The following AGO2 variants were observed in gnomAD, a reference collection of about 807,000 sequenced individuals.
The protein encoded by AGO2 is protein argonaute-2.
A neutral mutation model predicts 102.3 loss-of-function variants in AGO2; 5 were observed. That is an observed-to-expected ratio of 0.05 (90% CI 0.03 to 0.10). AGO2 has a LOEUF of 0.10. Ranked by LOEUF, AGO2 falls within the 10% of genes least tolerant of loss-of-function variation. AGO2 has a pLI of 1.00. For missense variants in AGO2, 541 were observed against 1,183.7 expected, an observed-to-expected ratio of 0.46 and a Z score of 7.97; for synonymous variants, 449 against 473.1, an observed-to-expected ratio of 0.95 and a Z score of 0.66.
At chr8:140,627,415 G>A (rs1186950687) in intron 1 of AGO2, among the ~76,000 whole-genome samples, 1 of 152,196 alleles carries the variant, frequency 6.6e-6, no homozygotes, top group Non-Finnish European at 1.5e-5. Context: ...ATGTGCAGCT[G>A]CAAGATGAAA....
In AGO2 at chr8:140,547,645, C is replaced by G; in HGVS notation, c.1589-18G>C. ...GACCTCGGCTAAGGGACATGAGAGG[C>G]ACACACAGCTCTGCCGGCGCCCCTT... On this transcript the variant is annotated intron_variant, in intron 12 of 18. Transcript: ENST00000220592. 5 of 1,602,460 alleles carry G rather than the reference C, an allele frequency of 3.1e-6. No individual in the cohort carries two copies. Among genetic ancestry groups the G allele is most frequent in the Non-Finnish European group, 4.3e-6 (5 of 1,173,158 alleles).
Position 140,630,329 on chromosome 8 carries a change from G to A in AGO2, c.22+5156C>T, listed in dbSNP as rs535212678. On this transcript the variant is annotated intron_variant, in intron 1 of 18. Coordinates refer to ENST00000220592, the MANE Select transcript of AGO2 (RefSeq NM_012154.5). ...AAGCTTACAGGTGCCCACTGCCCTG[G>A]AGGAAGCTCCCAGCACAAATGCTAA... Among the ~76,000 whole-genome samples, 21 of 152,310 alleles carry A rather than the reference G, an allele frequency of 1.4e-4. 1 individual carries two copies. Among genetic ancestry groups the A allele is most frequent in the African/African-American group, 4.8e-4 (20 of 41,562 alleles).
Position 140,532,405 on chromosome 8 carries a change from A to G in AGO2, c.2471+11T>C. On this transcript the variant is annotated intron_variant, in intron 18 of 18. Coordinates refer to ENST00000220592, the MANE Select transcript of AGO2 (RefSeq NM_012154.5). ...CCCCTGCTGTGACCTCCAGCCAGGCATGCCACTCACCTGTCATGTTCCTTA... is the reference window on the plus strand; with the variant it reads ...CCCCTGCTGTGACCTCCAGCCAGGCGTGCCACTCACCTGTCATGTTCCTTA... The G allele has an allele frequency of 6.2e-7, 1 of 1,608,158 alleles. No individual in the cohort carries two copies. The highest frequency in any genetic ancestry group is 8.5e-7 in the Non-Finnish European group (1 of 1,176,726).
intron 3 of AGO2, among the ~76,000 whole-genome samples, chr8:140,571,599 T>C (rs780688527): frequency 2.6e-5 from 4 of 152,188 alleles, no homozygotes; most frequent in Non-Finnish European, 4.4e-5. Flanking sequence ...TTGAGACCCT[T>C]TGCATACGGA....
At chr8:140,615,605 A>G (rs2074132064) in intron 1 of AGO2, among the ~76,000 whole-genome samples, 2 of 152,264 alleles carry the variant, frequency 1.3e-5, no homozygotes, top group Admixed American at 6.5e-5. Flanking sequence ...AGTGGCTGAC[A>G]TCAGGTAGGA....
chr8:140,583,342 C>T (rs1241614620), intron 2 of AGO2, among the ~76,000 whole-genome samples: 1 of 152,202 alleles, frequency 6.6e-6, no homozygotes, highest in Non-Finnish European at 1.5e-5. Flanking sequence ...TGAGCCAATT[C>T]CCCTAATAAA....
At chr8:140,560,710 G>A (rs1057464246) in intron 4 of AGO2, among the ~76,000 whole-genome samples, 200 bp from the exon 5 acceptor site, 1 of 152,236 alleles carries the variant, frequency 6.6e-6, no homozygotes, top group Non-Finnish European at 1.5e-5. Context: ...GCAGCAGGCT[G>A]GGGGACCCGT....
intron 10 of AGO2, 34 bp downstream of exon 10, chr8:140,555,862 C>T (rs771138401): frequency 1.5e-5 from 24 of 1,601,178 alleles, no homozygotes; most frequent in East Asian, 2.3e-5. Context: ...AGACATGCCC[C>T]GCAGCCACAC....
chr8:140,564,891 T>C (rs988345348), intron 3 of AGO2, among the ~76,000 whole-genome samples: 1 of 152,192 alleles, frequency 6.6e-6, no homozygotes, highest in Non-Finnish European at 1.5e-5. Flanking sequence ...ATCCCAGCAC[T>C]TTGGGAGGCC....
the AGO2 span, among the ~76,000 whole-genome samples, chr8:140,641,333 CACAA>C: frequency 1.7e-4 from 22 of 133,012 alleles, no homozygotes; most frequent in Non-Finnish European, 3.5e-4. Flanking sequence ...CACACACACA[CACAA>C]AACAGCAACC....
chr8:140,547,672 C>A, intron 12 of AGO2, 45 bp from the exon 13 acceptor site: 1 of 1,573,874 alleles, frequency 6.4e-7, no homozygotes. Context: ...GCGCCCCTTC[C>A]TCAGCTGGCC....
the AGO2 span, among the ~76,000 whole-genome samples, chr8:140,641,073 G>T: frequency 1.3e-5 from 2 of 152,062 alleles, no homozygotes; most frequent in Non-Finnish European, 2.9e-5. Flanking sequence ...AGGTGGGCAG[G>T]TGTCTTGAGC....
intron 1 of AGO2, among the ~76,000 whole-genome samples, chr8:140,618,804 A>T (rs181546814): frequency 5.3e-5 from 8 of 151,980 alleles, no homozygotes; most frequent in Admixed American, 3.3e-4. Context: ...TGGGTGAGTG[A>T]GACCTTGTCT....
intron 2 of AGO2, among the ~76,000 whole-genome samples, chr8:140,581,080 GC>G (rs1245307321): frequency 6.6e-6 from 1 of 152,230 alleles, no homozygotes; most frequent in Non-Finnish European, 1.5e-5. Flanking sequence ...TGGCCTAAGG[GC>G]CCCCCTGCTA....
rs780147487 is a variant in AGO2 at position 140,557,047 on chromosome 8, C to A, written c.1026+42G>T. On this transcript the variant is annotated intron_variant, in intron 8 of 18. Coordinates refer to ENST00000220592, the MANE Select transcript of AGO2 (RefSeq NM_012154.5). This position sits in a 1 kb window ranked among gnomAD's most constrained non-coding sequence, Gnocchi z 5.9. ...TGCATGCCCCAGCCTGGGACGCCGC[C>A]CTCCCAAGCCCCCAGAGACACACAG... The A allele has an allele frequency of 6.3e-7, 1 of 1,580,344 alleles. No homozygotes were observed. Among genetic ancestry groups the A allele is most frequent in the South Asian group, 1.2e-5 (1 of 86,748 alleles).
At chr8:140,638,269 C>G (rs2074422580), upstream of AGO2, 3 of 152,234 alleles carry the variant, frequency 2.0e-5, 1 homozygote, top group South Asian at 6.2e-4. Flanking sequence ...TGGAATAAAT[C>G]ATTTGTTCCT....
At chr8:140,597,976 T>G (rs2073873266) in intron 1 of AGO2, among the ~76,000 whole-genome samples, 1 of 152,240 alleles carries the variant, frequency 6.6e-6, no homozygotes, top group African/African-American at 2.4e-5. Flanking sequence ...TGCCAGCAGA[T>G]GCTTGGCGGG....
At chr8:140,565,258 T>G (rs556614651) in intron 3 of AGO2, among the ~76,000 whole-genome samples, 8 of 151,128 alleles carry the variant, frequency 5.3e-5, no homozygotes, top group African/African-American at 1.9e-4. Context: ...GCTAACATGG[T>G]GAAATCCTGT....
At chr8:140,629,425 G>A (rs2074314814) in intron 1 of AGO2, among the ~76,000 whole-genome samples, 1 of 152,170 alleles carries the variant, frequency 6.6e-6, no homozygotes, top group Admixed American at 6.5e-5. Flanking sequence ...GAGGATGCTA[G>A]TCATCCAGGC....
Sources: allele counts gnomAD v4.1 joint callset (sites outside exome capture counted in the v4.1 genomes callset), GRCh38; gene constraint gnomAD v4.1.1; non-coding constraint Gnocchi (gnomAD v3.1); transcripts MANE v1.5; gene names NCBI Gene and HGNC (gene_info 2026-07-23, HGNC 2026-07-21).